The following MYBPH variants were observed in gnomAD, a reference collection of about 807,000 sequenced individuals.
The protein encoded by MYBPH is myosin binding protein H.
In MYBPH, 49 loss-of-function variants were observed where a neutral mutation model predicts 53.6. That is an observed-to-expected ratio of 0.91 (90% confidence interval 0.73 to 1.16). MYBPH has a LOEUF of 1.16. Ranked by LOEUF, MYBPH falls within the 50% of genes most tolerant of loss-of-function variation. MYBPH has a pLI of 0.00. For synonymous variants in MYBPH, 239 were observed against 249.6 expected, an observed-to-expected ratio of 0.96 and a Z score of 0.40; for missense variants, 558 against 624.1, an observed-to-expected ratio of 0.89 and a Z score of 1.13.
chr1:203,178,033 T>C (rs1655848689), upstream of MYBPH, among the ~76,000 whole-genome samples: 2 of 152,248 alleles, frequency 1.3e-5, no homozygotes, highest in African/African-American at 4.8e-5. Flanking sequence ...TCAGGCCAAT[T>C]TGTGATTATC....
chr1:203,170,968 C>T (rs1212029111), intron 6 of MYBPH, 93 bp downstream of exon 6: 4 of 1,480,766 alleles, frequency 2.7e-6, no homozygotes, highest in Non-Finnish European at 3.6e-6. Context: ...GAACTCGATC[C>T]CTAGACTCGG....
In MYBPH at chr1:203,174,466, TGGCCGGCG is replaced by T. The variant is rs774797430; in HGVS notation, c.464_471del (p.Pro155HisfsTer13). The T allele has an allele frequency of 1.9e-5, 31 of 1,610,046 alleles. No individual in the cohort carries two copies. The highest frequency in any genetic ancestry group is 2.4e-5 in the Non-Finnish European group (28 of 1,176,956). The stretch of plus-strand genomic sequence containing the variant: ...CGGATGTGGATGGGCTGGTCCAGCA[TGGCCGGCG>T]GGCCAGCCCCTGCAGAACTCACTGC... On this transcript the variant is annotated frameshift_variant, in exon 3 of 11. Coordinates refer to ENST00000255416, the MANE Select transcript of MYBPH (RefSeq NM_004997.3). LOFTEE classifies it high-confidence loss of function.
upstream of MYBPH, among the ~76,000 whole-genome samples, chr1:203,176,407 A>G (rs772276978): frequency 6.6e-6 from 1 of 152,130 alleles, no homozygotes. Flanking sequence ...TTGGAACCCC[A>G]GGAAGGGGCA....
intron 3 of MYBPH, among the ~76,000 whole-genome samples, chr1:203,172,897 C>CGGAGGAGGACAAGACAGTGAGAA (rs1337274972): frequency 5.3e-5 from 8 of 152,158 alleles, no homozygotes; most frequent in African/African-American, 1.9e-4. Context: ...AGAAGGAACA[C>CGGAGGAGGACAAGACAGTGAGAA]GGTGTCTCTG....
At position 203,171,844 on chromosome 1, in the gene MYBPH, G is replaced by T; in HGVS notation, c.597+108C>A. On this transcript the variant is annotated intron_variant, in intron 4 of 10. Coordinates refer to ENST00000255416, the MANE Select transcript of MYBPH (RefSeq NM_004997.3). The surrounding 1 kb of genome is among the most constrained non-coding windows in gnomAD (Gnocchi z 4.2). ...GATTGCGGAAGGATGAAGCCGTCTC[G>T]CTGGGTCTCAGCTGGACCCTTGGAG... The T allele has an allele frequency of 1.3e-6, 1 of 782,178 alleles. No homozygotes were observed. The highest frequency in any genetic ancestry group is 1.9e-6 in the Non-Finnish European group (1 of 530,548). The allele number at this position is 782,178 out of a possible 1,614,324, so 48.5% of individuals were successfully genotyped here.
In MYBPH at chr1:203,175,417, T is replaced by G; in HGVS notation, c.250A>C (p.Ser84Arg). 6.4e-7 allele frequency: 1 copy of G among 1,557,180 alleles called. No homozygotes were observed. The highest frequency in any genetic ancestry group is 2.3e-5 in the East Asian group (1 of 44,386). ...TCCCAGCTCACAGTCACAGAGCTGCTGCTCACATCATCCAGGGTCAGCAGC... is the reference window on the plus strand; with the variant it reads ...TCCCAGCTCACAGTCACAGAGCTGCGGCTCACATCATCCAGGGTCAGCAGC... ...PLLLTLDDVSSSSVTVSWEPP... is the reference protein window; with the variant it reads ...PLLLTLDDVSRSSVTVSWEPP... Residue 84 changes from serine (S) to arginine (R), a missense_variant, in exon 2 of 11, where the codon AGC (serine) becomes CGC (arginine). Coordinates refer to ENST00000255416, the MANE Select transcript of MYBPH (RefSeq NM_004997.3).
At chr1:203,177,943 G>T (rs1655846916), upstream of MYBPH, among the ~76,000 whole-genome samples, 1 of 152,262 alleles carries the variant, frequency 6.6e-6, no homozygotes, top group South Asian at 2.1e-4. Flanking sequence ...CTTGGGATCA[G>T]TAGCATCTGC....
upstream of MYBPH, chr1:203,175,914 G>A (rs1475337053): frequency 1.4e-6 from 1 of 697,426 alleles, no homozygotes; most frequent in Non-Finnish European, 2.4e-6. Flanking sequence ...AGGTCAAGCA[G>A]GAGGACTGGA....
chr1:203,175,810 G>A lies in MYBPH; in HGVS notation c.-55C>T, dbSNP rs896485096. The A allele has an allele frequency of 3.2e-6, 5 of 1,584,532 alleles. No individual in the cohort carries two copies. Among genetic ancestry groups the A allele is most frequent in the East Asian group, 2.2e-5 (1 of 44,646 alleles). On this transcript the variant is annotated 5_prime_UTR_variant, in exon 1 of 11. Coordinates refer to ENST00000255416, the MANE Select transcript of MYBPH (RefSeq NM_004997.3). Reference sequence around the variant, plus strand: ...GTGTGCAGGGGTCAGCCGTTGGGGGGCCTGGGCCTCTAGGGTGCCTGGGAC... The same window carrying A: ...GTGTGCAGGGGTCAGCCGTTGGGGGACCTGGGCCTCTAGGGTGCCTGGGAC...
At position 203,171,536 on chromosome 1, in the gene MYBPH, C is replaced by T. The variant is rs1325762681; in HGVS notation, c.640G>A (p.Ala214Thr). The change falls in exon 5 of 11, where the codon GCC becomes ACC. Residue 214 changes from alanine (A) to threonine (T), a missense_variant. Coordinates refer to ENST00000255416, the MANE Select transcript of MYBPH (RefSeq NM_004997.3). The surrounding 1 kb of genome is among the most constrained non-coding windows in gnomAD (Gnocchi z 4.2). ...ATGCTCACCCGCTGGCTGTCCAGGG[C>T]ATGGCCGTTGTGGGTCCATGTGGCC... ...PQATWTHNGH[A>T]LDSQRVSMRT... The T allele has an allele frequency of 6.2e-7, 1 of 1,613,504 alleles. No individual in the cohort carries two copies. Among genetic ancestry groups the T allele is most frequent in the Admixed American group, 1.7e-5 (1 of 60,002 alleles).
chr1:203,170,301 G>A lies in MYBPH; in HGVS notation c.1083C>T (p.Ile361=). The change falls in exon 7 of 11, where the codon ATC becomes ATT. Residue 361 remains isoleucine (I), a synonymous_variant. Coordinates refer to ENST00000255416, the MANE Select transcript of MYBPH (RefSeq NM_004997.3). ...CGGGCCCAAACCCACCTGCCTTCTG[G>A]ATGTGGGCGAGCTCCTTGGTGACGG... is the stretch of plus-strand genomic sequence containing the variant. ...SATVTKELAH[I]QKADIAAKPK... is the part of the protein sequence containing the mutation. 6.2e-7 allele frequency: 1 copy of A among 1,614,158 alleles called. No individual in the cohort carries two copies. The highest frequency in any genetic ancestry group is 8.5e-7 in the Non-Finnish European group (1 of 1,180,022).
rs1655670512 is a variant in MYBPH at position 203,170,298 on chromosome 1, C to T, written c.1086G>A (p.Gln362=). The T allele has an allele frequency of 6.2e-7, 1 of 1,614,008 alleles. No individual in the cohort carries two copies. The highest frequency in any genetic ancestry group is 1.3e-5 in the African/African-American group (1 of 74,920). Residue 362 remains glutamine, a synonymous_variant, in exon 7 of 11, where the codon CAG becomes CAA. Transcript: ENST00000255416. ...ATVTKELAHI[Q]KADIAAKPKG... ...CTCCGGGCCCAAACCCACCTGCCTT[C>T]TGGATGTGGGCGAGCTCCTTGGTGA...
At chr1:203,173,004 GC>G (rs2102191463) in intron 3 of MYBPH, among the ~76,000 whole-genome samples, 1 of 152,310 alleles carries the variant, frequency 6.6e-6, no homozygotes, top group South Asian at 2.1e-4. Context: ...GCTCCAGGTG[GC>G]CAAGGAGAGA....
intron 3 of MYBPH, among the ~76,000 whole-genome samples, chr1:203,173,013 A>C (rs1395388978): frequency 6.6e-6 from 1 of 152,154 alleles, no homozygotes; most frequent in Non-Finnish European, 1.5e-5. Context: ...GGCCAAGGAG[A>C]GACAGCTGAG....
chr1:203,173,595 G>A (rs552398106), intron 3 of MYBPH, among the ~76,000 whole-genome samples: 8 of 152,272 alleles, frequency 5.3e-5, no homozygotes, highest in African/African-American at 1.2e-4. Context: ...ATTTCCTTTC[G>A]AATCCAGACT....
At chr1:203,176,970 G>A (rs989529366), upstream of MYBPH, among the ~76,000 whole-genome samples, 14 of 152,338 alleles carry the variant, frequency 9.2e-5, no homozygotes, top group African/African-American at 3.4e-4. Context: ...TCCCTCAACA[G>A]TGGGATGGAT....
intron 9 of MYBPH, 47 bp downstream of exon 9, chr1:203,168,859 G>C (rs1181201131): frequency 6.2e-7 from 1 of 1,606,710 alleles, no homozygotes; most frequent in South Asian, 1.1e-5. Flanking sequence ...CTCTAGTCCA[G>C]TTCCAGAGAG....
intron 3 of MYBPH, chr1:203,174,226 G>C: frequency 1.2e-6 from 1 of 835,616 alleles, no homozygotes; most frequent in Non-Finnish European, 1.4e-6. Flanking sequence ...TCAGGGAAAT[G>C]GCTTCTTAGA....
At chr1:203,174,754 A>G (rs749189352) in intron 2 of MYBPH, among the ~76,000 whole-genome samples, 157 bp from the exon 3 acceptor site, 3 of 152,128 alleles carry the variant, frequency 2.0e-5, no homozygotes, top group Non-Finnish European at 4.4e-5. Flanking sequence ...GTCAAATGGC[A>G]TCAAAGACAC....
Sources: gnomAD v4.1 joint callset for allele counts (sites outside exome capture counted in the v4.1 genomes callset) on GRCh38, gnomAD v4.1.1 for gene constraint, Gnocchi (gnomAD v3.1) non-coding constraint, MANE v1.5 for transcripts, NCBI Gene and HGNC (gene_info 2026-07-23, HGNC 2026-07-21) for gene names.